The following KYAT1 variants were observed in gnomAD, a reference collection of about 807,000 sequenced individuals.
The protein encoded by KYAT1 is kynurenine--oxoglutarate transaminase 1.
A neutral mutation model predicts 52.4 loss-of-function variants in KYAT1; 47 were observed. The ratio of observed to expected loss-of-function variants is 0.90; its 90% CI spans 0.71 to 1.14. The LOEUF (loss-of-function observed/expected upper bound fraction) is 1.14, where lower values mean the gene tolerates loss of function less well. Ranked by LOEUF, KYAT1 falls within the 50% of genes most tolerant of loss-of-function variation. The pLI is 0.00. For synonymous variants in KYAT1, 212 were observed against 209.6 expected (o/e 1.01, Z -0.10); for missense variants, 480 against 557.9 (o/e 0.86, Z 1.41).
intron 1 of KYAT1, among the ~76,000 whole-genome samples, chr9:128,876,220 A>G (rs903061866): frequency 4.7e-5 from 7 of 150,326 alleles, no homozygotes; most frequent in Admixed American, 6.7e-5. Flanking sequence ...CTATAAGTGC[A>G]TGCCCCAACC....
Position 128,880,667 on chromosome 9 carries a change from C to T in KYAT1, c.-7+1230G>A, listed in dbSNP as rs1165489534. Among the ~76,000 whole-genome samples, 6 of 152,090 alleles carry T rather than the reference C, an allele frequency of 3.9e-5. No individual in the cohort carries two copies. The East Asian group carries it at 9.7e-4, about 24-fold the overall frequency. ...CCGTGTTAGCCAGGATGGTCTCGATCTACTGACCTCGTGATCCGCCCGCCT... is the reference window on the plus strand; with the variant it reads ...CCGTGTTAGCCAGGATGGTCTCGATTTACTGACCTCGTGATCCGCCCGCCT... On this transcript the variant is annotated intron_variant, in intron 1 of 12. Transcript: ENST00000302586.
chr9:128,877,011 A>G (rs1838142258), intron 1 of KYAT1, among the ~76,000 whole-genome samples: 1 of 150,400 alleles, frequency 6.6e-6, no homozygotes, highest in South Asian at 2.1e-4. Flanking sequence ...TGATTCTCCC[A>G]CCTCAGCCTC....
intron 2 of KYAT1, among the ~76,000 whole-genome samples, chr9:128,843,606 T>G (rs1383390145): frequency 2.6e-5 from 4 of 152,122 alleles, no homozygotes; most frequent in African/African-American, 9.7e-5. Flanking sequence ...CTCGAACTCC[T>G]GACCTCAGGT....
chr9:128,876,032 G>T (rs183241022), intron 1 of KYAT1, among the ~76,000 whole-genome samples: 5 of 152,278 alleles, frequency 3.3e-5, no homozygotes, highest in Admixed American at 6.5e-5. Flanking sequence ...ACTGGACAAA[G>T]TCCAAAGCCT....
In KYAT1 at chr9:128,844,859, C is replaced by T. The variant is rs140404238; in HGVS notation, c.53+494G>A. ...AGCCTGGGCGACAAGGGCAAAACTC[C>T]GTCTCAAAAATAAAATGAAAATAAA... On this transcript the variant is annotated intron_variant, in intron 2 of 12. Transcript: ENST00000302586. Among the ~76,000 whole-genome samples, 504 of 152,202 alleles carry T rather than the reference C, an allele frequency of 3.3e-3. 2 individuals carry two copies. Among genetic ancestry groups the T allele is most frequent in the African/African-American group, 0.011 (466 of 41,552 alleles).
chr9:128,833,050 T>C lies in KYAT1; in HGVS notation c.*534A>G, dbSNP rs982130297. The C allele has an allele frequency of 1.3e-5, 2 of 157,520 alleles. No individual in the cohort carries two copies. The highest frequency in any genetic ancestry group is 2.8e-5 in the Non-Finnish European group (2 of 71,354). The allele number at this position is 157,520 out of a possible 1,614,324, so 9.8% of individuals were successfully genotyped here. On this transcript the variant is annotated 3_prime_UTR_variant, in exon 13 of 13. Coordinates refer to ENST00000302586, the MANE Select transcript of KYAT1 (RefSeq NM_004059.5). ...GTTGTGGGGGTGTCTGAGGTTCTTC[T>C]GGGCATTCTTCACAAGTTAGATCAG...
chr9:128,865,845 G>T (rs367772875), intron 1 of KYAT1, among the ~76,000 whole-genome samples: 22 of 152,250 alleles, frequency 1.4e-4, no homozygotes, highest in African/African-American at 5.3e-4. Context: ...CCAGGTTAGC[G>T]AAGTCCCAGT....
In KYAT1 at chr9:128,837,685, C is replaced by A. The variant is rs576810843; in HGVS notation, c.567G>T (p.Lys189Asn). The A allele has an allele frequency of 6.2e-7, 1 of 1,614,126 alleles. No individual in the cohort carries two copies. Among genetic ancestry groups the A allele is most frequent in the Admixed American group, 1.7e-5 (1 of 60,026 alleles). ...CCAGGGAAGGAGGTCCCTCCAGTAC[C>A]TTGCCCAGGGGGTTGTTGGGGGTGT... ...VLNTPNNPLG[K>N]VFSREELELV... Residue 189 changes from lysine (K) to asparagine (N), a missense_variant and splice_region_variant, in exon 6 of 13, where the codon AAG (lysine) becomes AAT (asparagine). Coordinates refer to ENST00000302586, the MANE Select transcript of KYAT1 (RefSeq NM_004059.5).
At chr9:128,880,685 G>T (rs975900538) in intron 1 of KYAT1, among the ~76,000 whole-genome samples, 5 of 151,800 alleles carry the variant, frequency 3.3e-5, no homozygotes, top group Non-Finnish European at 5.9e-5. Context: ...CTCGTGATCC[G>T]CCCGCCTCAG....
chr9:128,856,791 C>T (rs774745259), intron 1 of KYAT1, among the ~76,000 whole-genome samples: 3 of 152,240 alleles, frequency 2.0e-5, no homozygotes, highest in Admixed American at 6.5e-5. Context: ...TGGAAAGCCA[C>T]GTATTGTCCA....
chr9:128,848,405 C>A lies in KYAT1; in HGVS notation c.-6-2994G>T, dbSNP rs147385498. ...CACTGCACAATTTGGAAGCTTAATG[C>A]AAACATACAGGAACCAAGAAAGTGT... is the stretch of plus-strand genomic sequence containing the variant. On this transcript the variant is annotated intron_variant, in intron 1 of 12. Transcript: ENST00000302586. Among the ~76,000 whole-genome samples the A allele has an allele frequency of 3.8e-4, 57 of 150,142 alleles. No homozygotes were observed. In the East Asian group the frequency reaches 0.01, roughly 27 times the overall value.
Position 128,833,577 on chromosome 9 carries a change from T to G in KYAT1, c.*7A>C, listed in dbSNP as rs1350546182. On this transcript the variant is annotated 3_prime_UTR_variant, in exon 13 of 13. Coordinates refer to ENST00000302586, the MANE Select transcript of KYAT1 (RefSeq NM_004059.5). ...GGGGATGTCAGGGCCAAGGCGTGACTTCAGGGCTAGAGTTCCACCTTCCAC... is the reference window on the plus strand; with the variant it reads ...GGGGATGTCAGGGCCAAGGCGTGACGTCAGGGCTAGAGTTCCACCTTCCAC... 5 of 1,613,920 alleles carry G rather than the reference T, an allele frequency of 3.1e-6. No homozygotes were observed. The highest frequency in any genetic ancestry group is 3.3e-5 in the Admixed American group (2 of 59,998).
intron 3 of KYAT1, among the ~76,000 whole-genome samples, chr9:128,841,480 C>T (rs573268396): frequency 6.6e-5 from 10 of 151,856 alleles, no homozygotes; most frequent in African/African-American, 7.2e-5. Flanking sequence ...GAGATCGTGC[C>T]GCTGCACTCC....
intron 1 of KYAT1, among the ~76,000 whole-genome samples, chr9:128,873,074 T>TAA (rs549497155): frequency 3.4e-5 from 4 of 118,736 alleles, no homozygotes; most frequent in Non-Finnish European, 7.2e-5. Context: ...AGACTCCATT[T>TAA]AAAAAAAAAA....
chr9:128,875,857 A>C (rs1044720499), intron 1 of KYAT1, among the ~76,000 whole-genome samples: 2 of 152,130 alleles, frequency 1.3e-5, no homozygotes, highest in Non-Finnish European at 2.9e-5. Flanking sequence ...CTGGGCAGCT[A>C]CTGGCCATTT....
In KYAT1 at chr9:128,835,792, G is replaced by A. The variant is rs1459870001; in HGVS notation, c.842C>T (p.Pro281Leu). ...GCCCCTCTTCACCTGGCTCTGCGTG[G>A]GGCAGTGGAAGACGGAGTTCTGGTG... ...TVHQNSVFHC[P>L]TQSQAAVAES... Residue 281 changes from proline (P) to leucine (L), a missense_variant, in exon 9 of 13, where the codon CCC becomes CTC. Coordinates refer to ENST00000302586, the MANE Select transcript of KYAT1 (RefSeq NM_004059.5). 1 of 1,613,136 alleles carries A rather than the reference G, an allele frequency of 6.2e-7. No homozygotes were observed. Among genetic ancestry groups the A allele is most frequent in the Non-Finnish European group, 8.5e-7 (1 of 1,179,570 alleles).
At position 128,835,515 on chromosome 9, in the gene KYAT1, G is replaced by A; in HGVS notation, c.1008C>T (p.Gly336=). Residue 336 remains glycine (G), a synonymous_variant, in exon 10 of 13, where the codon GGC becomes GGT. Coordinates refer to ENST00000302586, the MANE Select transcript of KYAT1 (RefSeq NM_004059.5). ...AGATGTCTGTGATGAGGAAGTAGCT[G>A]CCCTGAGGGATGATGGGCTTCAGGC... The part of the protein sequence containing the change: ...SVGLKPIIPQ[G]SYFLITDISD... The A allele has an allele frequency of 6.2e-7, 1 of 1,613,832 alleles. No homozygotes were observed. The highest frequency in any genetic ancestry group is 8.5e-7 in the Non-Finnish European group (1 of 1,180,042).
chr9:128,842,138 G>C, intron 3 of KYAT1: 1 of 351,824 alleles, frequency 2.8e-6, no homozygotes, highest in South Asian at 2.2e-5. Context: ...GGCTGCAGTG[G>C]ACCATGATCG....
At chr9:128,836,487 C>T (rs534108458) in intron 7 of KYAT1, among the ~76,000 whole-genome samples, 3 of 151,948 alleles carry the variant, frequency 2.0e-5, no homozygotes, top group Admixed American at 6.6e-5. Flanking sequence ...TTAGTACAGA[C>T]AGGGTTTCAC....
Sources: allele counts gnomAD v4.1 joint callset (sites outside exome capture counted in the v4.1 genomes callset), GRCh38; gene constraint gnomAD v4.1.1; transcripts MANE v1.5; gene names NCBI Gene and HGNC (gene_info 2026-07-23, HGNC 2026-07-21).